Variants in ICA1L observed in about 807,000 individuals in gnomAD.
The protein encoded by ICA1L is islet cell autoantigen 1 like, also known as islet cell autoantigen 1-like protein.
ICA1L carries 50 observed loss-of-function variants against 61.3 expected under a neutral mutation model. The ratio of observed to expected loss-of-function variants is 0.82; its 90% confidence interval spans 0.65 to 1.03. ICA1L has a LOEUF of 1.03. Among genes scored for constraint, ICA1L ranks in the 50% least tolerant of loss-of-function variants. The pLI is 0.00. For synonymous variants in ICA1L, 161 were observed against 191.3 expected (o/e 0.84, Z 1.31); for missense variants, 508 against 556.7 (o/e 0.91, Z 0.88).
In ICA1L at chr2:202,814,712, G is replaced by A. The variant is rs998769036; in HGVS notation, c.856C>T (p.Gln286Ter). The A allele has an allele frequency of 2.5e-6, 4 of 1,611,838 alleles. No individual in the cohort carries two copies. Among genetic ancestry groups the A allele is most frequent in the Non-Finnish European group, 3.4e-6 (4 of 1,178,226 alleles). ...DEQIGGFLTE[Q>*]LNKLVLSDEE... is the part of the protein sequence containing the mutation. ...CTTATGCCTGCTTACTTATTGAGCT[G>A]TTCAGTAAGAAAACCGCCTATTTGT... The change falls in exon 8 of 13, where the codon CAG (glutamine) becomes TAG (stop). Residue 286 changes from glutamine to a stop codon, truncating the protein, a stop_gained. Transcript: ENST00000358299. LOFTEE classifies it high-confidence loss of function.
intron 12 of ICA1L, among the ~76,000 whole-genome samples, chr2:202,783,752 T>C (rs530804882): frequency 4.5e-4 from 68 of 152,342 alleles, no homozygotes; most frequent in African/African-American, 1.6e-3. Flanking sequence ...CCTATGGCAA[T>C]GTTAATTTCC....
At chr2:202,848,582 A>G (rs572818291) in intron 1 of ICA1L, among the ~76,000 whole-genome samples, 116 of 152,250 alleles carry the variant, frequency 7.6e-4, no homozygotes, top group African/African-American at 2.7e-3. Flanking sequence ...ACAAAGCAAA[A>G]AATTATTTAC....
chr2:202,812,299 C>A (rs1379227517), intron 8 of ICA1L, among the ~76,000 whole-genome samples: 1 of 152,190 alleles, frequency 6.6e-6, no homozygotes, highest in Non-Finnish European at 1.5e-5. Flanking sequence ...AGAAATAGGG[C>A]CGGGTGTGGT....
intron 1 of ICA1L, among the ~76,000 whole-genome samples, chr2:202,836,806 GATATATAT>G (rs1176153634): frequency 1.7e-5 from 1 of 59,274 alleles, no homozygotes; most frequent in Admixed American, 1.8e-4. Context: ...TATATATATA[GATATATAT>G]AGATATATAG....
Position 202,774,341 on chromosome 2 carries a change from C to T in ICA1L, c.*5192G>A, listed in dbSNP as rs1692150824. ...CGTTCCCCGCAGCGCTGAGGCGAGCCTGCCGCGCGCTCCGCTCAGCGTGGT... is the reference window on the plus strand; with the variant it reads ...CGTTCCCCGCAGCGCTGAGGCGAGCTTGCCGCGCGCTCCGCTCAGCGTGGT... On this transcript the variant is annotated 3_prime_UTR_variant, in exon 13 of 13. Coordinates refer to ENST00000358299, the MANE Select transcript of ICA1L (RefSeq NM_001288622.3). 2.9e-6 allele frequency: 4 copies of T among 1,393,136 alleles called. No homozygotes were observed. The highest frequency in any genetic ancestry group is 3.7e-6 in the Non-Finnish European group (4 of 1,082,036). The allele number at this position is 1,393,136 out of a possible 1,614,324, so 86.3% of individuals were successfully genotyped here. A position where few individuals can be genotyped will look rare whatever the true frequency, so the allele number is the denominator to read the frequency against.
At chr2:202,810,537 G>A (rs1693345576) in intron 9 of ICA1L, among the ~76,000 whole-genome samples, 1 of 152,130 alleles carries the variant, frequency 6.6e-6, no homozygotes, top group South Asian at 2.1e-4. Flanking sequence ...TCAGGACCCT[G>A]TGATGATTGC....
At chr2:202,811,812 T>A (rs1287144761) in intron 8 of ICA1L, 23 bp from the exon 9 acceptor site, 1 of 1,559,762 alleles carries the variant, frequency 6.4e-7, no homozygotes, top group Non-Finnish European at 8.8e-7. Context: ...CAAAAAAAAA[T>A]GTAGATTTTT....
At chr2:202,781,407 C>A (rs1692398854) in intron 12 of ICA1L, among the ~76,000 whole-genome samples, 1 of 151,012 alleles carries the variant, frequency 6.6e-6, no homozygotes. Context: ...ACCCCTGTCT[C>A]TACTTAAAAA....
chr2:202,828,915 T>C lies in ICA1L; in HGVS notation c.95A>G (p.Lys32Arg). Residue 32 changes from lysine to arginine, a missense_variant, in exon 2 of 13, where the codon AAA (lysine) becomes AGA (arginine). By Grantham distance (26) the Lys-to-Arg change is conservative (BLOSUM62 2). Coordinates refer to ENST00000358299, the MANE Select transcript of ICA1L (RefSeq NM_001288622.3). ...KYWKTKQVFI[K>R]ATGKKEDEHL... The stretch of plus-strand genomic sequence containing the variant: ...CTCATCCTCTTTTTTTCCTGTTGCT[T>C]TGATAAAGACCTGTTTAGTTTTCCA... 6.2e-7 allele frequency: 1 copy of C among 1,613,772 alleles called. No homozygotes were observed. The highest frequency in any genetic ancestry group is 8.5e-7 in the Non-Finnish European group (1 of 1,179,864).
intron 3 of ICA1L, among the ~76,000 whole-genome samples, chr2:202,824,779 G>A (rs1693792046): frequency 6.6e-6 from 1 of 152,194 alleles, no homozygotes; most frequent in Non-Finnish European, 1.5e-5. Context: ...GAGATCCAAA[G>A]ATTGAGTTTT....
intron 1 of ICA1L, among the ~76,000 whole-genome samples, chr2:202,870,263 A>G (rs1402030633): frequency 6.6e-6 from 1 of 152,182 alleles, no homozygotes; most frequent in African/African-American, 2.4e-5. Context: ...TGATATTTAT[A>G]ATAAAAATAT....
intron 6 of ICA1L, among the ~76,000 whole-genome samples, 171 bp downstream of exon 6, chr2:202,817,247 C>T (rs1429143664): frequency 6.6e-6 from 1 of 152,186 alleles, no homozygotes; most frequent in African/African-American, 2.4e-5. Context: ...AGTAAACAGT[C>T]TCTAAGGTCT....
intron 1 of ICA1L, among the ~76,000 whole-genome samples, chr2:202,863,983 A>T (rs536176128): frequency 1.3e-5 from 2 of 152,278 alleles, no homozygotes; most frequent in Non-Finnish European, 2.9e-5. Context: ...ACCAAAAACT[A>T]ACACAAGAAA....
At chr2:202,808,952 A>G (rs1343441844) in intron 9 of ICA1L, among the ~76,000 whole-genome samples, 1 of 152,202 alleles carries the variant, frequency 6.6e-6, no homozygotes, top group Non-Finnish European at 1.5e-5. Flanking sequence ...CAAAGACTAT[A>G]ATAAATACGT....
chr2:202,846,498 ACTC>A (rs1297696080), intron 1 of ICA1L, among the ~76,000 whole-genome samples: 1 of 151,502 alleles, frequency 6.6e-6, no homozygotes, highest in African/African-American at 2.4e-5. Context: ...GGTTCCCAAG[ACTC>A]CTTTTTGGGC....
At chr2:202,779,710 A>G (rs1012144250) in intron 12 of ICA1L, 62 bp from the exon 13 acceptor site, 1 of 970,214 alleles carries the variant, frequency 1.0e-6, no homozygotes, top group South Asian at 1.6e-5. Flanking sequence ...TTTTTGTACC[A>G]TATTTATGAT....
intron 1 of ICA1L, among the ~76,000 whole-genome samples, chr2:202,837,285 T>G (rs1038417886): frequency 8.6e-5 from 13 of 151,968 alleles, no homozygotes; most frequent in Admixed American, 5.3e-4. Context: ...CGTTGTTGTT[T>G]TTTTTTGTTT....
chr2:202,866,925 C>T (rs1310090182), intron 1 of ICA1L, among the ~76,000 whole-genome samples: 1 of 151,814 alleles, frequency 6.6e-6, no homozygotes, highest in African/African-American at 2.4e-5. Context: ...CCAGCCAGGG[C>T]GAGAGCACGA....
intron 12 of ICA1L, among the ~76,000 whole-genome samples, chr2:202,780,239 CT>C: frequency 6.6e-6 from 1 of 152,282 alleles, no homozygotes; most frequent in Non-Finnish European, 1.5e-5. Context: ...AAAACTCCCC[CT>C]AATCCTACCA....
Sources: gnomAD v4.1 joint callset for allele counts (sites outside exome capture counted in the v4.1 genomes callset) on GRCh38, gnomAD v4.1.1 for gene constraint, MANE v1.5 for transcripts, NCBI Gene and HGNC (gene_info 2026-07-23, HGNC 2026-07-21) for gene names.